KIAA1217: variants seen among roughly 807,000 people sequenced by gnomAD.
KIAA1217 encodes KIAA1217.
KIAA1217 carries 88 observed loss-of-function variants against 163.9 expected under a neutral mutation model. The ratio of observed to expected loss-of-function variants is 0.54; its 90% CI spans 0.45 to 0.64. KIAA1217 has a LOEUF of 0.64. KIAA1217 is among the 30% of genes least tolerant of loss of function. KIAA1217 has a pLI of 0.00. For synonymous variants in KIAA1217, 903 were observed against 923.1 expected, an observed-to-expected ratio of 0.98 and a Z score of 0.39; for missense variants, 2,372 against 2,475.0, an observed-to-expected ratio of 0.96 and a Z score of 0.88.
Position 24,380,886 on chromosome 10 carries a change from G to A in KIAA1217, c.372G>A (p.Leu124=). 6.4e-7 allele frequency: 1 copy of A among 1,560,228 alleles called. No individual in the cohort carries two copies. The highest frequency in any genetic ancestry group is 8.7e-7 in the Non-Finnish European group (1 of 1,151,132). The change falls in exon 3 of 21, where the codon CTG becomes CTA. Residue 124 remains leucine, a synonymous_variant. Transcript: ENST00000376454. ...TTTTGCAGACAAGGAGCCCCAAACT[G>A]TCTCACAGTCCTCAACCACCCAGTC... ...RLRDQTRSPK[L]SHSPQPPSLG...
intron 2 of KIAA1217, among the ~76,000 whole-genome samples, chr10:24,257,219 T>C (rs1007652419): frequency 1.3e-5 from 2 of 152,196 alleles, no homozygotes; most frequent in Admixed American, 1.3e-4. Flanking sequence ...AGTTTCTACC[T>C]GGTTTTCTAA....
chr10:24,495,102 G>C lies in KIAA1217; in HGVS notation c.1785-45G>C, dbSNP rs61854199. On this transcript the variant is annotated intron_variant, in intron 7 of 20. Transcript: ENST00000376454. Reference sequence around the variant, plus strand: ...ATGGGCTTTAAAAAAAAAAAAAAAGGCATTTTGGAAACTGCATAGCTGACT... The same window carrying C: ...ATGGGCTTTAAAAAAAAAAAAAAAGCCATTTTGGAAACTGCATAGCTGACT... The C allele has an allele frequency of 1.1e-4, 168 of 1,475,618 alleles. 1 individual carries two copies. Among genetic ancestry groups the C allele is most frequent in the Non-Finnish European group, 9.2e-7 (1 of 1,089,570 alleles). The allele number at this position is 1,475,618 out of a possible 1,614,324, so 91.4% of individuals were successfully genotyped here. A position where few individuals can be genotyped will look rare whatever the true frequency, so the allele number is the denominator to read the frequency against.
In KIAA1217 at chr10:24,527,526, G is replaced by C. The variant is rs115166815; in HGVS notation, c.2899-410G>C. Among the ~76,000 whole-genome samples, 197 of 151,566 alleles carry C rather than the reference G, an allele frequency of 1.3e-3. 1 individual carries two copies. Among genetic ancestry groups the C allele is most frequent in the African/African-American group, 4.6e-3 (190 of 41,334 alleles). On this transcript the variant is annotated intron_variant, in intron 13 of 20. Coordinates refer to ENST00000376454, the MANE Select transcript of KIAA1217 (RefSeq NM_019590.5). The stretch of plus-strand genomic sequence containing the variant: ...AAAAAAAAAAAAATTAGCCATGTGT[G>C]GTGGCTGAACATGTGTAATCCTAGT...
chr10:24,443,931 A>G (rs145098240), intron 5 of KIAA1217, among the ~76,000 whole-genome samples: 50 of 152,318 alleles, frequency 3.3e-4, no homozygotes, highest in Admixed American at 1.3e-3. Flanking sequence ...TCAAAGCTGG[A>G]TGATGGGGGT....
At chr10:24,142,973 T>G (rs1489044203) in intron 2 of KIAA1217, among the ~76,000 whole-genome samples, 4 of 152,188 alleles carry the variant, frequency 2.6e-5, no homozygotes, top group Non-Finnish European at 5.9e-5. Context: ...ATGCTGAAAT[T>G]ATTTTCGTAT....
chr10:24,442,695 C>T (rs926000152), intron 5 of KIAA1217, among the ~76,000 whole-genome samples: 1 of 151,960 alleles, frequency 6.6e-6, no homozygotes, highest in Non-Finnish European at 1.5e-5. Flanking sequence ...TGTATGCATG[C>T]ATATTTTGGG....
At chr10:23,827,796 A>G (rs954275948) in intron 1 of KIAA1217, among the ~76,000 whole-genome samples, 1 of 152,208 alleles carries the variant, frequency 6.6e-6, no homozygotes, top group Non-Finnish European at 1.5e-5. Flanking sequence ...TTGCTGAGTA[A>G]CGGCACATGC....
In KIAA1217 at chr10:24,038,041, T is replaced by A. The variant is rs147885874; in HGVS notation, c.-171+30667T>A. The stretch of plus-strand genomic sequence containing the variant: ...AACAAATTAATAAAACCTCTCTTCT[T>A]TATTTCTGCCTTTTATTTTTGTAAG... On this transcript the variant is annotated intron_variant, in intron 2 of 18. Coordinates refer to the KIAA1217 transcript ENST00000376462. Among the ~76,000 whole-genome samples the A allele has an allele frequency of 3.3e-5, 5 of 152,362 alleles. No homozygotes were observed. The East Asian group carries it at 9.6e-4, about 29-fold the overall frequency.
At chr10:24,446,765 A>G (rs1010275285) in intron 5 of KIAA1217, among the ~76,000 whole-genome samples, 9 of 152,312 alleles carry the variant, frequency 5.9e-5, no homozygotes, top group South Asian at 4.1e-4. Context: ...TCACACCTAT[A>G]CAATGTGAGA....
intron 2 of KIAA1217, among the ~76,000 whole-genome samples, chr10:24,187,179 C>T (rs747913881): frequency 6.6e-6 from 1 of 152,148 alleles, no homozygotes; most frequent in Non-Finnish European, 1.5e-5. Context: ...CCATCTTTGA[C>T]TCAATTTTTC....
chr10:24,074,684 T>C (rs1212243224), intron 2 of KIAA1217, among the ~76,000 whole-genome samples: 2 of 145,692 alleles, frequency 1.4e-5, no homozygotes, highest in Admixed American at 1.4e-4. Context: ...TTCTTCTTCC[T>C]CTTCCTCTTC....
At chr10:23,772,110 A>G (rs867091865) in intron 1 of KIAA1217, among the ~76,000 whole-genome samples, 1 of 152,230 alleles carries the variant, frequency 6.6e-6, no homozygotes, top group Non-Finnish European at 1.5e-5. Context: ...AAATTTAAGA[A>G]AAGTAAAATA....
At chr10:24,338,733 C>T (rs998301410) in intron 2 of KIAA1217, among the ~76,000 whole-genome samples, 12 of 152,070 alleles carry the variant, frequency 7.9e-5, no homozygotes, top group African/African-American at 2.9e-4. Flanking sequence ...CAAATATTGT[C>T]AATTTGAGGC....
chr10:24,153,237 AC>A (rs1262399420), intron 2 of KIAA1217, among the ~76,000 whole-genome samples: 1 of 152,118 alleles, frequency 6.6e-6, no homozygotes, highest in Non-Finnish European at 1.5e-5. Flanking sequence ...AAATTCCTAC[AC>A]CCTAGGATTC....
At chr10:23,951,036 G>C (rs1844312620) in intron 1 of KIAA1217, among the ~76,000 whole-genome samples, 2 of 152,136 alleles carry the variant, frequency 1.3e-5, no homozygotes, top group South Asian at 4.1e-4. Flanking sequence ...TAGAATTATG[G>C]TCTAGTATAA....
At chr10:23,859,306 C>T (rs1269332488) in intron 1 of KIAA1217, among the ~76,000 whole-genome samples, 4 of 152,156 alleles carry the variant, frequency 2.6e-5, no homozygotes, top group Non-Finnish European at 4.4e-5. Context: ...ATCTCTTTGC[C>T]CTTTGGCATT....
At chr10:24,199,457 T>C (rs74475748) in intron 2 of KIAA1217, among the ~76,000 whole-genome samples, 3,434 of 152,266 alleles carry the variant, frequency 0.023, 134 homozygotes, top group African/African-American at 0.077. Context: ...CTTTCCACAT[T>C]GCCACACATT....
chr10:23,917,361 G>C (rs1842671885), intron 1 of KIAA1217, among the ~76,000 whole-genome samples: 1 of 152,206 alleles, frequency 6.6e-6, no homozygotes, highest in East Asian at 1.9e-4. Flanking sequence ...GGGCATCTGA[G>C]ACAAGGGGAT....
chr10:23,736,505 A>G (rs1051807132), intron 1 of KIAA1217, among the ~76,000 whole-genome samples: 8 of 152,090 alleles, frequency 5.3e-5, no homozygotes, highest in Non-Finnish European at 1.2e-4. Flanking sequence ...TAATCACTAC[A>G]CCTTTGTGAT....
Sources: gnomAD v4.1 joint callset for allele counts (sites outside exome capture counted in the v4.1 genomes callset) on GRCh38, gnomAD v4.1.1 for gene constraint, MANE v1.5 for transcripts, NCBI Gene and HGNC (gene_info 2026-07-23, HGNC 2026-07-21) for gene names.